The following RMDN2 variants were observed in gnomAD, a reference collection of about 807,000 sequenced individuals.
RMDN2 encodes the protein regulator of microtubule dynamics 2, also known as regulator of microtubule dynamics protein 2.
A neutral mutation model predicts 52.8 loss-of-function variants in RMDN2; 61 were observed. The observed-to-expected ratio is 1.16, with a 90% CI of 0.94 to 1.43. The LOEUF is 1.43. Ranked by LOEUF, RMDN2 falls within the 40% of genes most tolerant of loss-of-function variation. The pLI is 0.00. For synonymous variants in RMDN2, 180 were observed against 153.1 expected (o/e 1.18, Z -1.30); for missense variants, 592 against 475.3 (o/e 1.25, Z -2.28).
intron 2 of RMDN2, among the ~76,000 whole-genome samples, chr2:37,960,405 C>T (rs1316006857): frequency 6.6e-6 from 1 of 151,674 alleles, no homozygotes; most frequent in East Asian, 1.9e-4. Flanking sequence ...ATGTAATTAC[C>T]TTGATTTTTT....
chr2:37,943,273 C>A (rs931719601), intron 2 of RMDN2, among the ~76,000 whole-genome samples: 1 of 152,116 alleles, frequency 6.6e-6, no homozygotes, highest in South Asian at 2.1e-4. Flanking sequence ...GGTGGATAAG[C>A]CTGAAAAAGA....
chr2:38,049,758 T>C (rs576860091), intron 10 of RMDN2, among the ~76,000 whole-genome samples: 15 of 152,222 alleles, frequency 9.9e-5, no homozygotes, highest in African/African-American at 3.6e-4. Flanking sequence ...TTTGTAGAGA[T>C]GGGGTCTTGG....
At chr2:38,063,085 C>T (rs1682123830) in intron 10 of RMDN2, among the ~76,000 whole-genome samples, 1 of 152,192 alleles carries the variant, frequency 6.6e-6, no homozygotes, top group Non-Finnish European at 1.5e-5. Flanking sequence ...CATACATGTG[C>T]ATGTGTCTTT....
intron 10 of RMDN2, among the ~76,000 whole-genome samples, chr2:38,047,575 C>G (rs764886710): frequency 4.3e-4 from 66 of 152,328 alleles, no homozygotes; most frequent in Middle Eastern, 6.8e-3. Flanking sequence ...AGATGTCTTT[C>G]TTACCACTTA....
chr2:37,951,317 T>A (rs1305013808), intron 2 of RMDN2: 4 of 1,612,948 alleles, frequency 2.5e-6, no homozygotes, highest in African/African-American at 1.3e-5. Context: ...GAGCCTCTTC[T>A]ATTTCACAAC....
chr2:38,033,769 A>T (rs770751689), intron 10 of RMDN2, among the ~76,000 whole-genome samples: 2 of 152,252 alleles, frequency 1.3e-5, no homozygotes, highest in Non-Finnish European at 2.9e-5. Flanking sequence ...CAGTCATTTC[A>T]TGGGAATCCA....
intron 10 of RMDN2, among the ~76,000 whole-genome samples, chr2:38,056,605 A>T (rs555756296): frequency 4.6e-5 from 7 of 152,360 alleles, no homozygotes; most frequent in African/African-American, 1.7e-4. Context: ...TGTGCTCAGC[A>T]TGTAAGAACA....
At chr2:38,066,910 G>A in intron 10 of RMDN2, 2 of 1,472,654 alleles carry the variant, frequency 1.4e-6, no homozygotes, top group Non-Finnish European at 1.9e-6. Context: ...CTGCTAAAGT[G>A]AGGTTCCCAC....
intron 2 of RMDN2, among the ~76,000 whole-genome samples, chr2:37,941,959 AT>A (rs1166691784): frequency 0.011 from 1,527 of 135,304 alleles, 31 homozygotes; most frequent in African/African-American, 0.04. Flanking sequence ...AAAAAAAAAA[AT>A]TCCTGCAGCT....
At chr2:37,942,735 A>G (rs1229047649) in intron 2 of RMDN2, among the ~76,000 whole-genome samples, 1 of 152,210 alleles carries the variant, frequency 6.6e-6, no homozygotes, top group African/African-American at 2.4e-5. Flanking sequence ...TTAAAAAAAG[A>G]AAAGTCACAT....
intron 2 of RMDN2, among the ~76,000 whole-genome samples, chr2:37,945,171 C>G (rs1435044843): frequency 6.6e-6 from 1 of 152,166 alleles, no homozygotes; most frequent in Non-Finnish European, 1.5e-5. Context: ...AAGCTCTTCT[C>G]TACATTTTGT....
chr2:37,980,334 C>T lies in RMDN2; in HGVS notation c.731-949C>T, dbSNP rs149419924. ...TTTTTTTTTATTTGAGACAGAGTCT[C>T]GCTCTGTCCCCCAGGCTGGAGTGCA... On this transcript the variant is annotated intron_variant, in intron 4 of 10. Coordinates refer to ENST00000354545, the MANE Select transcript of RMDN2 (RefSeq NM_001170791.3). 2.2e-4 allele frequency among the ~76,000 whole-genome samples: 34 copies of T among 152,170 alleles called. No homozygotes were observed. In the East Asian group the frequency reaches 5.6e-3, roughly 25 times the overall value.
At chr2:38,000,106 C>T (rs1449624024) in intron 8 of RMDN2, among the ~76,000 whole-genome samples, 1 of 152,196 alleles carries the variant, frequency 6.6e-6, no homozygotes, top group Admixed American at 6.5e-5. Context: ...TGGTCCTCCA[C>T]AGCCTCAAAG....
intron 7 of RMDN2, among the ~76,000 whole-genome samples, chr2:37,994,047 T>C (rs1196747933): frequency 6.6e-6 from 1 of 152,168 alleles, no homozygotes; most frequent in Non-Finnish European, 1.5e-5. Context: ...TAGAGGAAGG[T>C]ACCTTTAGAT....
intron 2 of RMDN2, among the ~76,000 whole-genome samples, chr2:37,962,536 C>T (rs1164920208): frequency 6.6e-6 from 1 of 152,148 alleles, no homozygotes; most frequent in Non-Finnish European, 1.5e-5. Context: ...GTGGACGCCC[C>T]TCCCCCACCA....
At chr2:37,954,142 G>T (rs1357579259) in intron 2 of RMDN2, among the ~76,000 whole-genome samples, 1 of 151,906 alleles carries the variant, frequency 6.6e-6, no homozygotes, top group Non-Finnish European at 1.5e-5. Flanking sequence ...CTCCCAATGT[G>T]TGGGTTGCCT....
In RMDN2 at chr2:37,992,664, T is replaced by C. The variant is rs750997244; in HGVS notation, c.945+1367T>C. ...TTAAAATAAGCTGCTTCTACAAGTA[T>C]TTGTTTCTTAAATGATTGATTCACT... On this transcript the variant is annotated intron_variant, in intron 7 of 10. Coordinates refer to ENST00000354545, the MANE Select transcript of RMDN2 (RefSeq NM_001170791.3). 5.3e-5 allele frequency among the ~76,000 whole-genome samples: 8 copies of C among 152,336 alleles called. No individual in the cohort carries two copies. In the South Asian group the frequency reaches 1.7e-3, roughly 32 times the overall value.
At chr2:38,048,040 G>A (rs1257255592) in intron 10 of RMDN2, among the ~76,000 whole-genome samples, 1 of 152,224 alleles carries the variant, frequency 6.6e-6, no homozygotes, top group Non-Finnish European at 1.5e-5. Context: ...GATTACCTGA[G>A]ATGTAACACA....
At chr2:38,012,811 C>T (rs1678194363) in intron 10 of RMDN2, among the ~76,000 whole-genome samples, 1 of 152,178 alleles carries the variant, frequency 6.6e-6, no homozygotes, top group African/African-American at 2.4e-5. Flanking sequence ...CTAGCAATGC[C>T]ACTAGTTACA....
Sources: gnomAD v4.1 joint callset for allele counts (sites outside exome capture counted in the v4.1 genomes callset) on GRCh38, gnomAD v4.1.1 for gene constraint, MANE v1.5 for transcripts, NCBI Gene and HGNC (gene_info 2026-07-23, HGNC 2026-07-21) for gene names.